The following SETD2 variants were observed in gnomAD, a reference collection of about 807,000 sequenced individuals.
The protein encoded by SETD2 is histone-lysine N-methyltransferase SETD2.
In SETD2, 31 loss-of-function variants were observed where a neutral mutation model predicts 242.1. The ratio of observed to expected loss-of-function variants is 0.13; its 90% CI spans 0.10 to 0.17. The LOEUF (loss-of-function observed/expected upper bound fraction) is 0.17, where lower values mean the gene tolerates loss of function less well. Ranked by LOEUF, SETD2 falls within the 10% of genes least tolerant of loss-of-function variation. The probability of loss-of-function intolerance (pLI) is 1.00; values close to 1 mark genes in which losing one functional copy is unlikely to be tolerated. For synonymous variants in SETD2, 1,006 were observed against 1,066.5 expected (o/e 0.94, Z 1.11); for missense variants, 2,481 against 3,046.3 (o/e 0.81, Z 4.37).
At chr3:47,074,402 G>T (rs915425958) in intron 12 of SETD2, among the ~76,000 whole-genome samples, 2 of 152,132 alleles carry the variant, frequency 1.3e-5, no homozygotes, top group African/African-American at 4.8e-5. Context: ...AACTAAAAAA[G>T]AAGAAGAAAA....
At chr3:47,163,683 C>G in intron 1 of SETD2, 171 bp downstream of exon 1, 2 of 500,274 alleles carry the variant, frequency 4.0e-6, no homozygotes. Flanking sequence ...GCGGCCCCGG[C>G]CAAGCGGCTC....
chr3:47,075,423 G>C lies in SETD2; in HGVS notation c.6060+8297C>G, dbSNP rs190221645. ...AAAAATACAAAAAGAAATTAGCCGG[G>C]CGTGGTGGTGCATGCCTGTAATTCC... On this transcript the variant is annotated intron_variant, in intron 12 of 20. Coordinates refer to ENST00000409792, the MANE Select transcript of SETD2 (RefSeq NM_014159.7). 4.1e-3 allele frequency among the ~76,000 whole-genome samples: 629 copies of C among 151,684 alleles called. 7 individuals carry two copies. The highest frequency in any genetic ancestry group is 3.2e-3 in the Non-Finnish European group (216 of 67,900).
rs559233486 is a variant in SETD2 at position 47,154,765 on chromosome 3, G to A, written c.71+9089C>T. ...TCCCAACACTTTGGGAGGCTGAGAC[G>A]GACGGATCACAAGGTCAGGAGATCG... On this transcript the variant is annotated intron_variant, in intron 1 of 20. Transcript: ENST00000409792. Among the ~76,000 whole-genome samples, 41 of 152,228 alleles carry A rather than the reference G, an allele frequency of 2.7e-4. 1 individual carries two copies. In the Middle Eastern group the frequency reaches 0.01, roughly 38 times the overall value.
intron 9 of SETD2, among the ~76,000 whole-genome samples, chr3:47,096,797 G>C (rs1291589554): frequency 6.6e-6 from 1 of 152,102 alleles, no homozygotes; most frequent in Non-Finnish European, 1.5e-5. Context: ...TTTTAAAAGA[G>C]AGAGAGAGAA....
chr3:47,074,763 C>A (rs1197539693), intron 12 of SETD2, among the ~76,000 whole-genome samples: 1 of 152,176 alleles, frequency 6.6e-6, no homozygotes, highest in Admixed American at 6.5e-5. Context: ...ACCCTCACCC[C>A]AGAAATGCTA....
intron 18 of SETD2, among the ~76,000 whole-genome samples, chr3:47,023,692 G>A (rs1203531956): frequency 1.3e-5 from 2 of 152,002 alleles, no homozygotes; most frequent in African/African-American, 4.8e-5. Flanking sequence ...ATACAAATAA[G>A]AACCAATTTT....
intron 1 of SETD2, among the ~76,000 whole-genome samples, chr3:47,131,914 A>C (rs1374758068): frequency 2.0e-5 from 3 of 151,812 alleles, no homozygotes; most frequent in Non-Finnish European, 4.4e-5. Flanking sequence ...AGTAGCTGGG[A>C]CTACAGGCGC....
intron 1 of SETD2, among the ~76,000 whole-genome samples, chr3:47,154,954 A>G (rs1016658395): frequency 6.6e-5 from 10 of 151,926 alleles, no homozygotes; most frequent in African/African-American, 2.2e-4. Flanking sequence ...AGATCGCACC[A>G]CCGCACTCCA....
Position 47,057,389 on chromosome 3 carries a change from C to T in SETD2, c.6395G>A (p.Arg2132Gln), listed in dbSNP as rs2107577516. The T allele has an allele frequency of 1.2e-6, 2 of 1,614,182 alleles. No individual in the cohort carries two copies. Among genetic ancestry groups the T allele is most frequent in the Non-Finnish European group, 1.7e-6 (2 of 1,180,032 alleles). The change falls in exon 15 of 21, where the codon CGG becomes CAG. Residue 2132 changes from arginine (R) to glutamine (Q), a missense_variant. Arg to Gln is a conservative substitution (Grantham distance 43). This residue lies in a region of SETD2 where 45 missense variants were observed against 62.8 expected (regional missense o/e 0.72). Coordinates refer to ENST00000409792, the MANE Select transcript of SETD2 (RefSeq NM_014159.7). Reference protein sequence around the residue: ...RKLFEQEVAQREAQKQQQQMQ... With the variant: ...RKLFEQEVAQQEAQKQQQQMQ... ...CTGTTGCTGTTGTTTCTGAGCCTCCCGTTGAGCCACCTCTTGCTCAAACAA... is the reference window on the plus strand; with the variant it reads ...CTGTTGCTGTTGTTTCTGAGCCTCCTGTTGAGCCACCTCTTGCTCAAACAA...
chr3:47,126,498 T>G (rs1042064685), intron 2 of SETD2, 150 bp downstream of exon 2: 1 of 485,740 alleles, frequency 2.1e-6, no homozygotes, highest in African/African-American at 1.9e-5. Flanking sequence ...TAAGTTACCA[T>G]GGCTCTAAAA....
Position 47,122,671 on chromosome 3 carries a change from T to G in SETD2, c.1965A>C (p.Leu655Phe). 6.2e-7 allele frequency: 1 copy of G among 1,613,466 alleles called. No homozygotes were observed. Among genetic ancestry groups the G allele is most frequent in the Non-Finnish European group, 8.5e-7 (1 of 1,179,582 alleles). The change falls in exon 3 of 21, where the codon TTA becomes TTC. Residue 655 changes from leucine (L) to phenylalanine (F), a missense_variant. Coordinates refer to ENST00000409792, the MANE Select transcript of SETD2 (RefSeq NM_014159.7). Reference protein sequence around the residue: ...SHDSIKELDSLSKVKNDQLRS... With the variant: ...SHDSIKELDSFSKVKNDQLRS... The stretch of plus-strand genomic sequence containing the variant: ...TTAATTGATCATTCTTCACTTTAGA[T>G]AAAGAGTCTAATTCCTTAATACTAT...
In SETD2 at chr3:47,127,291, G is replaced by A. The variant is rs1372002541; in HGVS notation, c.72-628C>T. 5.9e-5 allele frequency among the ~76,000 whole-genome samples: 9 copies of A among 151,460 alleles called. No homozygotes were observed. In the East Asian group the frequency reaches 9.7e-4, roughly 16 times the overall value. On this transcript the variant is annotated intron_variant, in intron 1 of 20. Transcript: ENST00000409792. ...GAGGATCACCTGAGCCCAGGAGGTCGAGGCTGCAGGTAGCCATGATCACAC... is the reference window on the plus strand; with the variant it reads ...GAGGATCACCTGAGCCCAGGAGGTCAAGGCTGCAGGTAGCCATGATCACAC...
At chr3:47,043,191 T>C (rs1156867082) in intron 16 of SETD2, among the ~76,000 whole-genome samples, 1 of 152,174 alleles carries the variant, frequency 6.6e-6, no homozygotes, top group African/African-American at 2.4e-5. Flanking sequence ...TAATCACTTA[T>C]GGACTGATTT....
intron 1 of SETD2, among the ~76,000 whole-genome samples, chr3:47,127,294 G>A (rs1306516568): frequency 4.0e-5 from 6 of 151,338 alleles, no homozygotes; most frequent in Non-Finnish European, 7.4e-5. Context: ...GGAGGTCGAG[G>A]CTGCAGGTAG....
intron 8 of SETD2, chr3:47,098,344 C>T: frequency 3.6e-6 from 1 of 274,464 alleles, no homozygotes; most frequent in Non-Finnish European, 7.0e-6. Context: ...TATGAGAATA[C>T]CTAGTAATAT....
At chr3:47,025,954 T>G (rs2038456165) in intron 18 of SETD2, among the ~76,000 whole-genome samples, 1 of 152,060 alleles carries the variant, frequency 6.6e-6, no homozygotes, top group African/African-American at 2.4e-5. Context: ...AATTGACAAA[T>G]GGGATCTAAT....
intron 5 of SETD2, among the ~76,000 whole-genome samples, chr3:47,111,254 G>C (rs1253103325): frequency 6.6e-6 from 1 of 152,076 alleles, no homozygotes; most frequent in South Asian, 2.1e-4. Context: ...TTCAAAGGAA[G>C]TGTAACCAAT....
intron 4 of SETD2, among the ~76,000 whole-genome samples, chr3:47,114,336 T>C (rs1033695174): frequency 9.2e-5 from 14 of 152,242 alleles, no homozygotes; most frequent in Admixed American, 5.9e-4. Context: ...GCAGAACTTA[T>C]ATTCTGTAAG....
intron 13 of SETD2, among the ~76,000 whole-genome samples, chr3:47,065,464 T>G (rs1413021342): frequency 6.6e-6 from 1 of 152,104 alleles, no homozygotes; most frequent in Non-Finnish European, 1.5e-5. Flanking sequence ...TAAGTGACCC[T>G]ATTCCTTGAA....
Sources: gnomAD v4.1 joint callset for allele counts (sites outside exome capture counted in the v4.1 genomes callset) on GRCh38, gnomAD v4.1.1 for gene constraint, gnomAD v4.1.1 regional missense constraint, MANE v1.5 for transcripts, NCBI Gene and HGNC (gene_info 2026-07-23, HGNC 2026-07-21) for gene names.